Variants in FAM149A observed in about 807,000 individuals in gnomAD.
The protein encoded by FAM149A is family with sequence similarity 149 member A, also known as protein FAM149A.
Under a neutral mutation model 78.2 loss-of-function variants are expected in FAM149A, and 71 were observed. The ratio of observed to expected loss-of-function variants is 0.91; its 90% CI spans 0.75 to 1.11. The LOEUF (loss-of-function observed/expected upper bound fraction) is 1.11. Among genes scored for constraint, FAM149A ranks in the 50% least tolerant of loss-of-function variants. FAM149A has a pLI of 0.00. For synonymous variants in FAM149A, 446 were observed against 410.5 expected (o/e 1.09, Z -1.04); for missense variants, 1,036 against 971.0 (o/e 1.07, Z -0.89).
chr4:186,166,838 C>T (rs1215325380), intron 11 of FAM149A, 130 bp from the exon 12 acceptor site: 1 of 756,396 alleles, frequency 1.3e-6, no homozygotes, highest in African/African-American at 1.8e-5. Context: ...CCTTAGGAGA[C>T]CTGATCCTTA....
chr4:186,164,399 A>T lies in FAM149A; in HGVS notation c.1889+766A>T. ...TGCTCTCAGGCTTTAGAGACCACCC[A>T]CTGGACCCCCGGCCTGCAGGGGAGC... On this transcript the variant is annotated intron_variant, in intron 10 of 13. Transcript: ENST00000389354. The surrounding 1 kb of genome is among the most constrained non-coding windows in gnomAD (Gnocchi z 4.0). 1.0e-6 allele frequency: 1 copy of T among 956,640 alleles called. No homozygotes were observed. Among genetic ancestry groups the T allele is most frequent in the African/African-American group, 1.8e-5 (1 of 56,582 alleles). The allele number at this position is 956,640 out of a possible 1,614,324, so 59.3% of individuals were successfully genotyped here. A position where few individuals can be genotyped will look rare whatever the true frequency, so the allele number is the denominator to read the frequency against.
At chr4:186,116,317 C>G (rs567661928) in intron 1 of FAM149A, 44 of 278,124 alleles carry the variant, frequency 1.6e-4, no homozygotes, top group African/African-American at 6.5e-4. Flanking sequence ...GAGATGCACC[C>G]GGTACCTCAG....
At chr4:186,160,201 A>C in intron 8 of FAM149A, among the ~76,000 whole-genome samples, 1 of 129,534 alleles carries the variant, frequency 7.7e-6, no homozygotes, top group African/African-American at 3.1e-5. Flanking sequence ...TACACACACT[A>C]CACACACACC....
At chr4:186,165,492 G>A (rs963564635) in intron 11 of FAM149A, 28 bp downstream of exon 11, 4 of 1,612,198 alleles carry the variant, frequency 2.5e-6, no homozygotes, top group Non-Finnish European at 3.4e-6. Flanking sequence ...CTATTTCAGT[G>A]GACCATTTAG....
chr4:186,142,725 C>T (rs958150894), intron 1 of FAM149A, among the ~76,000 whole-genome samples: 3 of 152,182 alleles, frequency 2.0e-5, no homozygotes, highest in Non-Finnish European at 2.9e-5. Flanking sequence ...CAGCCACCCC[C>T]GACTGCATGG....
Position 186,105,140 on chromosome 4 carries a change from C to A in FAM149A, c.64C>A (p.Pro22Thr), listed in dbSNP as rs750436443. 7.8e-7 allele frequency: 1 copy of A among 1,279,848 alleles called. No homozygotes were observed. Among genetic ancestry groups the A allele is most frequent in the Non-Finnish European group, 1.0e-6 (1 of 984,846 alleles). 79.3% of individuals were successfully genotyped at this position (1,279,848 alleles called of 1,614,324 possible). Residue 22 changes from proline (P) to threonine (T), a missense_variant, in exon 1 of 14, where the codon CCC becomes ACC. Coordinates refer to ENST00000389354, the MANE Select transcript of FAM149A (RefSeq NM_001367768.3). ...CAAACTCTTCGAGACCTCGACGGCG[C>A]CCCCCGCAGGCCCCTCCTCCAGACC...
intron 6 of FAM149A, chr4:186,154,924 C>T (rs1396689951): frequency 3.0e-6 from 3 of 984,996 alleles, no homozygotes; most frequent in Non-Finnish European, 3.6e-6. Flanking sequence ...CCCAAAAGGG[C>T]CTAAGGGGAG....
In FAM149A at chr4:186,159,850, G is replaced by T. The variant is rs1046783296; in HGVS notation, c.1575+2131G>T. Among the ~76,000 whole-genome samples, 6 of 128,016 alleles carry T rather than the reference G, an allele frequency of 4.7e-5. No homozygotes were observed. The Middle Eastern group carries it at 0.013, about 281-fold the overall frequency. 84.0% of individuals were successfully genotyped at this position (128,016 alleles called of 152,430 possible). A position where few individuals can be genotyped will look rare whatever the true frequency, so the allele number is the denominator to read the frequency against. On this transcript the variant is annotated intron_variant, in intron 8 of 13. Coordinates refer to ENST00000389354, the MANE Select transcript of FAM149A (RefSeq NM_001367768.3). ...GGAGCAGAGAACACGGGTAAGGCAGGAGTCCTAGTCCTGAGCTACACAGAA... is the reference window on the plus strand; with the variant it reads ...GGAGCAGAGAACACGGGTAAGGCAGTAGTCCTAGTCCTGAGCTACACAGAA...
intron 1 of FAM149A, among the ~76,000 whole-genome samples, chr4:186,118,928 A>G (rs1029721096): frequency 3.9e-5 from 6 of 152,210 alleles, no homozygotes; most frequent in African/African-American, 1.4e-4. Context: ...AAAAACAATG[A>G]GGAGTAGAGT....
chr4:186,128,354 C>T (rs1024632229), intron 1 of FAM149A, among the ~76,000 whole-genome samples: 3 of 151,754 alleles, frequency 2.0e-5, no homozygotes, highest in Non-Finnish European at 2.9e-5. Context: ...TCACAGCTTA[C>T]GACTGATACT....
At position 186,154,388 on chromosome 4, in the gene FAM149A, AAAG is replaced by A. The variant is rs1352899299; in HGVS notation, c.1059-78_1059-76del. ...GGATTCTGTACTTTACAGATAATTG[AAAG>A]ATCCGCCATGATCGTTTAAGCATTG... On this transcript the variant is annotated intron_variant, in intron 5 of 13. Transcript: ENST00000389354. The A allele has an allele frequency of 2.5e-6, 3 of 1,210,992 alleles. No homozygotes were observed. In the African/African-American group the frequency reaches 4.6e-5, roughly 18 times the overall value. The allele number at this position is 1,210,992 out of a possible 1,614,324, so 75.0% of individuals were successfully genotyped here. A position where few individuals can be genotyped will look rare whatever the true frequency, so the allele number is the denominator to read the frequency against.
chr4:186,152,670 G>C (rs7671830), intron 4 of FAM149A, among the ~76,000 whole-genome samples: 97,337 of 150,256 alleles, frequency 0.65, 32,325 homozygotes, highest in Non-Finnish European at 0.74. Context: ...TCAGCCTCCC[G>C]AGTAGCTGGG....
At chr4:186,168,263 G>A (rs966100915) in intron 13 of FAM149A, among the ~76,000 whole-genome samples, 1 of 152,184 alleles carries the variant, frequency 6.6e-6, no homozygotes, top group Admixed American at 6.5e-5. Flanking sequence ...TGCTTTTCTT[G>A]TATGTTCCTT....
At chr4:186,157,350 C>A (rs944604296) in intron 7 of FAM149A, among the ~76,000 whole-genome samples, 1 of 152,140 alleles carries the variant, frequency 6.6e-6, no homozygotes, top group Non-Finnish European at 1.5e-5. Flanking sequence ...ATCTGTATTG[C>A]CCACTGTGTG....
intron 1 of FAM149A, chr4:186,146,910 A>C: frequency 1.0e-6 from 1 of 985,474 alleles, no homozygotes; most frequent in Non-Finnish European, 1.2e-6. Flanking sequence ...GAGTCTTTCA[A>C]CCGAGGGCAT....
At chr4:186,138,979 T>C (rs1056237017) in intron 1 of FAM149A, among the ~76,000 whole-genome samples, 12 of 152,240 alleles carry the variant, frequency 7.9e-5, no homozygotes, top group African/African-American at 2.9e-4. Context: ...GGTAGAGTTC[T>C]TCTGTGGGAA....
intron 1 of FAM149A, chr4:186,125,424 A>G: frequency 1.3e-6 from 1 of 781,932 alleles, no homozygotes; most frequent in Non-Finnish European, 1.6e-6. Flanking sequence ...CCACAAACAC[A>G]GTAATGACGC....
intron 9 of FAM149A, among the ~76,000 whole-genome samples, 170 bp from the exon 10 acceptor site, chr4:186,163,254 T>G (rs1190611074): frequency 1.3e-5 from 2 of 152,202 alleles, no homozygotes; most frequent in African/African-American, 4.8e-5. Context: ...GGATGATTCT[T>G]CATTGAAACA....
intron 13 of FAM149A, among the ~76,000 whole-genome samples, chr4:186,170,239 G>A (rs137955109): frequency 9.6e-4 from 147 of 152,338 alleles, no homozygotes; most frequent in African/African-American, 3.1e-3. Context: ...TGAGAGACAC[G>A]GGCCTTGGCA....
Sources: allele counts gnomAD v4.1 joint callset (sites outside exome capture counted in the v4.1 genomes callset), GRCh38; gene constraint gnomAD v4.1.1; non-coding constraint Gnocchi (gnomAD v3.1); transcripts MANE v1.5; gene names NCBI Gene and HGNC (gene_info 2026-07-23, HGNC 2026-07-21).